KIF26B: variants seen among roughly 807,000 people sequenced by gnomAD.
KIF26B encodes kinesin family member 26B.
A neutral mutation model predicts 151.2 loss-of-function variants in KIF26B; 63 were observed. That is an observed-to-expected ratio of 0.42 (90% confidence interval 0.34 to 0.51). The LOEUF (loss-of-function observed/expected upper bound fraction) is 0.51, where lower values mean the gene tolerates loss of function less well. Ranked by LOEUF, KIF26B falls within the 20% of genes least tolerant of loss-of-function variation. The pLI is 0.07. For missense variants in KIF26B, 2,813 were observed against 2,913.6 expected (o/e 0.97, Z 0.79); for synonymous variants, 1,357 against 1,262.1 (o/e 1.08, Z -1.59).
chr1:245,630,472 T>G (rs962537377), intron 9 of KIF26B, among the ~76,000 whole-genome samples: 2 of 152,054 alleles, frequency 1.3e-5, no homozygotes, highest in East Asian at 3.9e-4. Context: ...CTCAGCAAAC[T>G]AACACAGGAA....
At chr1:245,639,373 C>T (rs1172255974) in intron 9 of KIF26B, among the ~76,000 whole-genome samples, 2 of 151,570 alleles carry the variant, frequency 1.3e-5, no homozygotes, top group Non-Finnish European at 3.0e-5. Flanking sequence ...TTTTCTTAGT[C>T]TAACTGAAGG....
intron 5 of KIF26B, among the ~76,000 whole-genome samples, chr1:245,552,137 GTGTGT>G (rs1661899784): frequency 6.7e-6 from 1 of 149,136 alleles, no homozygotes; most frequent in African/African-American, 2.5e-5. Flanking sequence ...GTGTGTGTGT[GTGTGT>G]GTGTGTGTGT....
chr1:245,378,942 T>C lies in KIF26B; in HGVS notation c.999+11575T>C, dbSNP rs956211612. Among the ~76,000 whole-genome samples, 6 of 152,318 alleles carry C rather than the reference T, an allele frequency of 3.9e-5. No individual in the cohort carries two copies. In the South Asian group the frequency reaches 6.2e-4, roughly 16 times the overall value. ...GAGAGGGCGTGTTTTGCATACTTAG[T>C]GCTGTGTGTGACACATGGCGACTTC... On this transcript the variant is annotated intron_variant, in intron 3 of 14. Coordinates refer to ENST00000407071, the MANE Select transcript of KIF26B (RefSeq NM_018012.4).
intron 3 of KIF26B, among the ~76,000 whole-genome samples, chr1:245,398,231 G>T (rs556772544): frequency 6.6e-6 from 1 of 152,272 alleles, no homozygotes; most frequent in African/African-American, 2.4e-5. Context: ...AGGTGAGGTG[G>T]TGGGAAGCAA....
At chr1:245,451,528 T>C (rs1358865508) in intron 4 of KIF26B, among the ~76,000 whole-genome samples, 2 of 151,536 alleles carry the variant, frequency 1.3e-5, no homozygotes, top group Non-Finnish European at 2.9e-5. Context: ...TGAATTTCAC[T>C]TGAGAAGGTG....
chr1:245,224,222 T>G (rs1220492961), intron 2 of KIF26B, among the ~76,000 whole-genome samples: 2 of 151,616 alleles, frequency 1.3e-5, no homozygotes, highest in African/African-American at 4.9e-5. Flanking sequence ...GAGGCGGAGG[T>G]TGCGGTGAGC....
In KIF26B at chr1:245,180,521, A is replaced by G. The variant is rs555008276; in HGVS notation, c.465+23838A>G. Among the ~76,000 whole-genome samples the G allele has an allele frequency of 3.4e-4, 52 of 152,304 alleles. No homozygotes were observed. In the South Asian group the frequency reaches 9.5e-3, roughly 28 times the overall value. On this transcript the variant is annotated intron_variant, in intron 2 of 14. Coordinates refer to ENST00000407071, the MANE Select transcript of KIF26B (RefSeq NM_018012.4). ...CTTTTAAAATACTTAGCCCAAGTAA[A>G]TGCTCAGTAGGTGCTAGCTATCATC...
intron 2 of KIF26B, among the ~76,000 whole-genome samples, chr1:245,361,224 G>C (rs1409024160): frequency 6.6e-6 from 1 of 152,090 alleles, no homozygotes; most frequent in African/African-American, 2.4e-5. Context: ...CAGCTGCCTC[G>C]CTTGCAGAAC....
intron 2 of KIF26B, among the ~76,000 whole-genome samples, chr1:245,187,122 C>G (rs556146617): frequency 6.6e-6 from 1 of 152,058 alleles, no homozygotes; most frequent in South Asian, 2.1e-4. Context: ...CCCAAAGTGC[C>G]GGGATTACAG....
chr1:245,486,278 A>G (rs1266381749), intron 4 of KIF26B, among the ~76,000 whole-genome samples: 2 of 152,236 alleles, frequency 1.3e-5, no homozygotes. Flanking sequence ...GCCTCTTTTT[A>G]CGAGGGTCGT....
chr1:245,470,908 C>G (rs1659899380), intron 4 of KIF26B, among the ~76,000 whole-genome samples: 1 of 152,148 alleles, frequency 6.6e-6, no homozygotes, highest in South Asian at 2.1e-4. Context: ...TTCTCTCTCT[C>G]TCTCCTCTCA....
chr1:245,349,485 T>A (rs1050858508), intron 2 of KIF26B, among the ~76,000 whole-genome samples: 1 of 151,668 alleles, frequency 6.6e-6, no homozygotes, highest in Non-Finnish European at 1.5e-5. Context: ...TAATCCTGTT[T>A]TACCACATCC....
intron 4 of KIF26B, among the ~76,000 whole-genome samples, chr1:245,490,388 T>A (rs1271661135): frequency 6.9e-6 from 1 of 144,954 alleles, no homozygotes; most frequent in East Asian, 2.1e-4. Flanking sequence ...CTCGGCTCAC[T>A]GCAACCTCCG....
At chr1:245,427,708 G>A (rs1392183781) in intron 4 of KIF26B, among the ~76,000 whole-genome samples, 1 of 151,974 alleles carries the variant, frequency 6.6e-6, no homozygotes, top group African/African-American at 2.4e-5. Flanking sequence ...TGTTTTCACT[G>A]AAGCATATTT....
chr1:245,688,626 G>C lies in KIF26B; in HGVS notation c.5643G>C (p.Pro1881=). 1 of 1,598,062 alleles carries C rather than the reference G, an allele frequency of 6.3e-7. No individual in the cohort carries two copies. Among genetic ancestry groups the C allele is most frequent in the Non-Finnish European group, 8.5e-7 (1 of 1,174,114 alleles). The part of the protein sequence containing the change: ...NSSVLSGELP[P]AMGKTALFYH... Reference sequence around the variant, plus strand: ...GCGTGCTGAGCGGGGAGCTCCCGCCGGCCATGGGGAAGACGGCCCTGTTCT... The same window carrying C: ...GCGTGCTGAGCGGGGAGCTCCCGCCCGCCATGGGGAAGACGGCCCTGTTCT... The change falls in exon 12 of 15, where the codon CCG becomes CCC. Residue 1881 remains proline (P), a synonymous_variant. Transcript: ENST00000407071.
Position 245,703,048 on chromosome 1 carries a change from G to C in KIF26B, c.*442G>C, listed in dbSNP as rs928454477. The C allele has an allele frequency of 6.3e-6, 1 of 159,356 alleles. No individual in the cohort carries two copies. Among genetic ancestry groups the C allele is most frequent in the Admixed American group, 6.4e-5 (1 of 15,598 alleles). The allele number at this position is 159,356 out of a possible 1,614,324, so 9.9% of individuals were successfully genotyped here. A position where few individuals can be genotyped will look rare whatever the true frequency, so the allele number is the denominator to read the frequency against. On this transcript the variant is annotated 3_prime_UTR_variant, in exon 15 of 15. Transcript: ENST00000407071. ...TCTTTATTATTATCCAAACATTTAT[G>C]TTCATACTTTCTTGTGTACAGATGG...
At chr1:245,556,345 CCCTCCT>C (rs144022529) in intron 5 of KIF26B, among the ~76,000 whole-genome samples, 4 of 129,122 alleles carry the variant, frequency 3.1e-5, no homozygotes, top group South Asian at 2.3e-4. Context: ...CCTCCTTCCT[CCCTCCT>C]CCTCCTCCTC....
intron 3 of KIF26B, among the ~76,000 whole-genome samples, chr1:245,396,664 C>A (rs1161636529): frequency 3.3e-5 from 5 of 151,062 alleles, no homozygotes; most frequent in African/African-American, 4.9e-5. Flanking sequence ...AAAAAAAAAA[C>A]AACAACTATT....
chr1:245,468,685 G>A (rs1403620074), intron 4 of KIF26B, among the ~76,000 whole-genome samples: 1 of 152,166 alleles, frequency 6.6e-6, no homozygotes, highest in Non-Finnish European at 1.5e-5. Context: ...TAGAGAGAGA[G>A]AGAGAGAGAG....
Sources: gnomAD v4.1 joint callset for allele counts (sites outside exome capture counted in the v4.1 genomes callset) on GRCh38, gnomAD v4.1.1 for gene constraint, MANE v1.5 for transcripts, NCBI Gene and HGNC (gene_info 2026-07-23, HGNC 2026-07-21) for gene names.